REV3L: variants seen among roughly 807,000 people sequenced by gnomAD.
The protein encoded by REV3L is REV3 like, DNA directed polymerase zeta catalytic subunit, also known as DNA polymerase zeta catalytic subunit.
Under a neutral mutation model 299.4 loss-of-function variants are expected in REV3L, and 69 were observed. That is an observed-to-expected ratio of 0.23 (90% CI 0.19 to 0.28). The LOEUF is 0.28. REV3L is among the 10% of genes least tolerant of loss of function. The pLI, the probability that REV3L is intolerant of heterozygous loss-of-function variation, is 1.00. For synonymous variants in REV3L, 1,238 were observed against 1,271.4 expected (o/e 0.97, Z 0.56); for missense variants, 3,128 against 3,693.8 (o/e 0.85, Z 3.97).
chr6:111,324,109 C>T (rs1307332118), intron 25 of REV3L, among the ~76,000 whole-genome samples: 1 of 152,174 alleles, frequency 6.6e-6, no homozygotes. Context: ...AAGCAATTCT[C>T]GTGCTTCAGT....
At chr6:111,391,051 T>G (rs1344275615) in intron 5 of REV3L, among the ~76,000 whole-genome samples, 2 of 152,002 alleles carry the variant, frequency 1.3e-5, no homozygotes, top group African/African-American at 2.4e-5. Context: ...AACTTTTGAT[T>G]TGAAACACTT....
chr6:111,393,194 G>A (rs1307742159), intron 4 of REV3L, among the ~76,000 whole-genome samples: 2 of 151,968 alleles, frequency 1.3e-5, no homozygotes, highest in East Asian at 3.9e-4. Flanking sequence ...AATTTTTTTT[G>A]TATTTTTAGT....
At chr6:111,407,754 G>C (rs1783799309) in intron 3 of REV3L, among the ~76,000 whole-genome samples, 2 of 152,076 alleles carry the variant, frequency 1.3e-5, no homozygotes, top group South Asian at 4.1e-4. Flanking sequence ...GGCCAACATG[G>C]AGAAACCCTG....
chr6:111,393,720 T>C (rs946013451), intron 4 of REV3L, among the ~76,000 whole-genome samples: 1 of 152,074 alleles, frequency 6.6e-6, no homozygotes, highest in Non-Finnish European at 1.5e-5. Context: ...TTTTTTGACA[T>C]GACATCTTGC....
chr6:111,373,107 G>T lies in REV3L; in HGVS notation c.5248C>A (p.Pro1750Thr). Residue 1750 changes from proline (P) to threonine (T), a missense_variant, in exon 13 of 32, where the codon CCT becomes ACT. Pro to Thr is a conservative substitution (Grantham distance 38). This residue lies in a region of REV3L where 2,409 missense variants were observed against 2,611.8 expected (regional missense o/e 0.92). Transcript: ENST00000368802. ...RHNQWKNSFH[P>T]LTTRSNSIMD... ...ATTGAGTTAGACCGAGTTGTTAGAG[G>T]ATGAAAGCTATTTTTCCACTGGTTG... 3 of 1,614,048 alleles carry T rather than the reference G, an allele frequency of 1.9e-6. No homozygotes were observed. Among genetic ancestry groups the T allele is most frequent in the Non-Finnish European group, 2.5e-6 (3 of 1,179,984 alleles).
chr6:111,333,554 A>C (rs1582558373), intron 22 of REV3L, among the ~76,000 whole-genome samples, 187 bp from the exon 23 acceptor site: 1 of 152,014 alleles, frequency 6.6e-6, no homozygotes, highest in African/African-American at 2.4e-5. Context: ...GGCTCACTGC[A>C]ACCTCCGCCT....
chr6:111,365,218 A>G (rs751613894), intron 15 of REV3L, 47 bp downstream of exon 15: 1 of 1,178,200 alleles, frequency 8.5e-7, no homozygotes, highest in Non-Finnish European at 1.2e-6. Context: ...AATCTAGGAA[A>G]AAGACTGGCT....
Position 111,307,353 on chromosome 6 carries a change from A to C in REV3L, c.9252+8T>G. The C allele has an allele frequency of 6.2e-7, 1 of 1,613,234 alleles. No individual in the cohort carries two copies. The highest frequency in any genetic ancestry group is 8.5e-7 in the Non-Finnish European group (1 of 1,179,234). On this transcript the variant is annotated splice_region_variant and intron_variant, in intron 31 of 31. Transcript: ENST00000368802. Reference sequence around the variant, plus strand: ...TTGTGATTCTGGGCCCATGGAACAAAACTGTACCTTTACAAGTTGCTCCTG... The same window carrying C: ...TTGTGATTCTGGGCCCATGGAACAACACTGTACCTTTACAAGTTGCTCCTG...
Position 111,373,023 on chromosome 6 carries a change from T to G in REV3L, c.5332A>C (p.Asn1778His), listed in dbSNP as rs766038436. The G allele has an allele frequency of 6.2e-7, 1 of 1,614,178 alleles. No homozygotes were observed. The highest frequency in any genetic ancestry group is 1.1e-5 in the South Asian group (1 of 91,084). ...ACTTCTTTGCTTACTGAACTCCTAT[T>G]CAATCTAGATTTTTCACTTAGACAG... is the stretch of plus-strand genomic sequence containing the variant. ...EDCLSEKSRL[N>H]RSSVSKEVFL... Residue 1778 changes from asparagine to histidine, a missense_variant, in exon 13 of 32, where the codon AAT (asparagine) becomes CAT (histidine). Asn to His is a moderately conservative substitution (Grantham distance 68, BLOSUM62 1). This residue lies in a region of REV3L where 2,409 missense variants were observed against 2,611.8 expected (regional missense o/e 0.92). Coordinates refer to ENST00000368802, the MANE Select transcript of REV3L (RefSeq NM_001372078.1).
chr6:111,406,015 T>C (rs1783580085), intron 3 of REV3L, among the ~76,000 whole-genome samples: 1 of 152,212 alleles, frequency 6.6e-6, no homozygotes, highest in African/African-American at 2.4e-5. Context: ...ATTGCCATTT[T>C]GATATTTTTC....
chr6:111,411,733 T>G (rs1385419682), intron 2 of REV3L, among the ~76,000 whole-genome samples, 179 bp from the exon 3 acceptor site: 1 of 152,178 alleles, frequency 6.6e-6, no homozygotes, highest in African/African-American at 2.4e-5. Flanking sequence ...CAGGTTAACA[T>G]GAAATACTGA....
chr6:111,451,605 T>G (rs546838595), intron 1 of REV3L, among the ~76,000 whole-genome samples: 29 of 152,234 alleles, frequency 1.9e-4, no homozygotes, highest in Admixed American at 5.9e-4. Flanking sequence ...TCTGCCTATA[T>G]TTAAAGCAAA....
intron 25 of REV3L, among the ~76,000 whole-genome samples, chr6:111,329,211 T>G (rs1269454157): frequency 6.6e-6 from 1 of 152,062 alleles, no homozygotes; most frequent in Non-Finnish European, 1.5e-5. Flanking sequence ...ACCTAGCTTA[T>G]TTTTGTGTTT....
chr6:111,406,284 C>T (rs1475952213), intron 3 of REV3L, among the ~76,000 whole-genome samples: 1 of 152,034 alleles, frequency 6.6e-6, no homozygotes, highest in Non-Finnish European at 1.5e-5. Context: ...TAAAGGGTCA[C>T]GAGAAAACAC....
At chr6:111,380,296 C>A in intron 10 of REV3L, 77 bp from the exon 11 acceptor site, 1 of 1,088,300 alleles carries the variant, frequency 9.2e-7, no homozygotes, top group East Asian at 2.5e-5. Flanking sequence ...CTCTCTCACC[C>A]AGGCTGGAGT....
chr6:111,477,614 T>G (rs1793092028), intron 1 of REV3L, among the ~76,000 whole-genome samples: 1 of 152,014 alleles, frequency 6.6e-6, no homozygotes, highest in South Asian at 2.1e-4. Context: ...AAAGAGTAAG[T>G]CAAGAACATG....
At chr6:111,401,542 G>C (rs964476862) in intron 4 of REV3L, among the ~76,000 whole-genome samples, 7 of 152,134 alleles carry the variant, frequency 4.6e-5, no homozygotes. Flanking sequence ...TAAACCTGAG[G>C]TTATTATCCA....
Position 111,388,026 on chromosome 6 carries a change from T to C in REV3L, c.922A>G (p.Ile308Val), listed in dbSNP as rs1781517519. ...EKKFQKRLQE[I>V]LKQNDFSVTL... ...ACAGAGAAATCATTCTGTTTGAGAATTTCCTGAAGTCTCTTCTGAAATTTT... is the reference window on the plus strand; with the variant it reads ...ACAGAGAAATCATTCTGTTTGAGAACTTCCTGAAGTCTCTTCTGAAATTTT... Residue 308 changes from isoleucine to valine, a missense_variant, in exon 8 of 32, where the codon ATT becomes GTT. Physicochemically the swap from Ile to Val is conservative, Grantham distance 29 (BLOSUM62 3). This residue lies in a region of REV3L where 2,409 missense variants were observed against 2,611.8 expected (regional missense o/e 0.92). Transcript: ENST00000368802. 8 of 1,613,106 alleles carry C rather than the reference T, an allele frequency of 5.0e-6. No individual in the cohort carries two copies. The East Asian group carries it at 1.1e-4, about 22-fold the overall frequency.
intron 1 of REV3L, among the ~76,000 whole-genome samples, chr6:111,479,266 A>C (rs1793317798): frequency 4.6e-5 from 7 of 152,240 alleles, no homozygotes; most frequent in African/African-American, 1.7e-4. Flanking sequence ...TGTTGTTCTA[A>C]AAGAAAAAAT....
Sources: gnomAD v4.1 joint callset for allele counts (sites outside exome capture counted in the v4.1 genomes callset) on GRCh38, gnomAD v4.1.1 for gene constraint, gnomAD v4.1.1 regional missense constraint, MANE v1.5 for transcripts, NCBI Gene and HGNC (gene_info 2026-07-23, HGNC 2026-07-21) for gene names.